The following B3GALT1 variants were observed in gnomAD, a reference collection of about 807,000 sequenced individuals.
The protein encoded by B3GALT1 is UDP-Gal:betaGlcNAc beta 1,3-galactosyltransferase, polypeptide 1.
In B3GALT1, 10 loss-of-function variants were observed where a neutral mutation model predicts 23.2. The ratio of observed to expected loss-of-function variants is 0.43; its 90% CI spans 0.27 to 0.73. The LOEUF (loss-of-function observed/expected upper bound fraction) is 0.73, where lower values mean the gene tolerates loss of function less well. Ranked by LOEUF, B3GALT1 falls within the 30% of genes least tolerant of loss-of-function variation. The pLI is 0.21. For synonymous variants in B3GALT1, 156 were observed against 141.5 expected (o/e 1.10, Z -0.73); for missense variants, 299 against 405.4 (o/e 0.74, Z 2.25).
chr2:167,741,062 A>G (rs1262570527), intron 3 of B3GALT1, among the ~76,000 whole-genome samples: 1 of 152,206 alleles, frequency 6.6e-6, no homozygotes, highest in Non-Finnish European at 1.5e-5. Flanking sequence ...TTTTCTGAGA[A>G]TGCTTCTGGA....
At chr2:167,688,127 A>G (rs202166904) in intron 3 of B3GALT1, among the ~76,000 whole-genome samples, 1 of 152,142 alleles carries the variant, frequency 6.6e-6, no homozygotes, top group East Asian at 1.9e-4. Flanking sequence ...TGGCTTTGAT[A>G]TCAGATACAC....
intron 3 of B3GALT1, among the ~76,000 whole-genome samples, chr2:167,722,171 G>A (rs1687245662): frequency 6.6e-6 from 1 of 152,144 alleles, no homozygotes; most frequent in African/African-American, 2.4e-5. Flanking sequence ...AATGATCATA[G>A]GCTTTGAGGT....
chr2:167,592,125 A>G (rs184661121), intron 2 of B3GALT1, among the ~76,000 whole-genome samples: 44 of 152,280 alleles, frequency 2.9e-4, no homozygotes, highest in Admixed American at 7.8e-4. Flanking sequence ...TTGGAGGCAA[A>G]AGATTTGGAA....
chr2:167,669,905 T>G (rs895415207), intron 3 of B3GALT1, among the ~76,000 whole-genome samples: 1 of 151,950 alleles, frequency 6.6e-6, no homozygotes. Context: ...AAATAGTCTG[T>G]AGGCAGCTAG....
intron 3 of B3GALT1, among the ~76,000 whole-genome samples, chr2:167,749,554 T>A (rs757356845): frequency 1.1e-4 from 16 of 152,198 alleles, no homozygotes; most frequent in Non-Finnish European, 1.6e-4. Context: ...CCAATAAGTA[T>A]CCTAAAATTT....
chr2:167,407,368 A>G (rs1698298080), intron 1 of B3GALT1, among the ~76,000 whole-genome samples: 1 of 152,152 alleles, frequency 6.6e-6, no homozygotes, highest in South Asian at 2.1e-4. Context: ...TGATAGCAAT[A>G]AATGCCTATA....
At chr2:167,844,612 A>T (rs906017920) in intron 4 of B3GALT1, among the ~76,000 whole-genome samples, 3 of 152,244 alleles carry the variant, frequency 2.0e-5, no homozygotes, top group Non-Finnish European at 4.4e-5. Flanking sequence ...TGGGTCCCCA[A>T]ACAGGCCCTT....
At chr2:167,655,755 A>G (rs541701560) in intron 3 of B3GALT1, among the ~76,000 whole-genome samples, 17 of 152,152 alleles carry the variant, frequency 1.1e-4, no homozygotes, top group Non-Finnish European at 1.9e-4. Context: ...TTTTATTCAT[A>G]TGCCTTATTA....
chr2:167,701,420 C>T (rs1182534998), intron 3 of B3GALT1, among the ~76,000 whole-genome samples: 2 of 151,954 alleles, frequency 1.3e-5, no homozygotes, highest in Non-Finnish European at 1.5e-5. Flanking sequence ...AAGCTTAGAG[C>T]GGCCAAAGTC....
At chr2:167,302,256 A>G (rs1204703620) in intron 1 of B3GALT1, among the ~76,000 whole-genome samples, 3 of 152,184 alleles carry the variant, frequency 2.0e-5, no homozygotes, top group Non-Finnish European at 4.4e-5. Flanking sequence ...ATTTTTGCAT[A>G]GTAGGATGAT....
chr2:167,774,111 T>C (rs1232425088), intron 3 of B3GALT1, among the ~76,000 whole-genome samples: 3 of 152,234 alleles, frequency 2.0e-5, no homozygotes, highest in African/African-American at 7.2e-5. Flanking sequence ...GTTAATTTGT[T>C]GAGCCATTCT....
rs1164657739 is a variant in B3GALT1 at position 167,786,929 on chromosome 2, T to TGTTG, written c.-351-31740_-351-31739insGGTT. On this transcript the variant is annotated intron_variant, in intron 3 of 4. Coordinates refer to ENST00000392690, the MANE Select transcript of B3GALT1 (RefSeq NM_020981.4). ...GTCTCAGGAGTGGTGTGTTTTTGTT[T>TGTTG]GTTTGTTTGTTGGTTTGGTTTGGTT... Among the ~76,000 whole-genome samples, 295 of 152,242 alleles carry TGTTG rather than the reference T, an allele frequency of 1.9e-3. 1 individual carries two copies. The highest frequency in any genetic ancestry group is 6.8e-3 in the African/African-American group (283 of 41,528).
rs1335546430 is a variant in B3GALT1 at position 167,869,268 on chromosome 2, A to T, written c.229A>T (p.Ile77Phe). Residue 77 changes from isoleucine to phenylalanine, a missense_variant, in exon 5 of 5, where the codon ATT becomes TTT. Around this residue, in one of 3 missense-constraint regions of B3GALT1, gnomAD observed 162 missense variants for 184.1 expected, o/e 0.88. Coordinates refer to ENST00000392690, the MANE Select transcript of B3GALT1 (RefSeq NM_020981.4). This position sits in a 1 kb window ranked among gnomAD's most constrained non-coding sequence, Gnocchi z 6.4. ...INEPNKCEKN[I>F]PFLVILISTT... Reference sequence around the variant, plus strand: ...CGAGCCCAATAAATGTGAGAAAAACATTCCTTTTCTTGTTATCCTCATCAG... The same window carrying T: ...CGAGCCCAATAAATGTGAGAAAAACTTTCCTTTTCTTGTTATCCTCATCAG... 6.2e-7 allele frequency: 1 copy of T among 1,614,218 alleles called. No homozygotes were observed. The highest frequency in any genetic ancestry group is 8.5e-7 in the Non-Finnish European group (1 of 1,180,032).
chr2:167,598,662 G>A (rs528193904), intron 2 of B3GALT1, among the ~76,000 whole-genome samples: 13 of 152,142 alleles, frequency 8.5e-5, no homozygotes, highest in Admixed American at 1.3e-4. Flanking sequence ...CTCACGTGGC[G>A]TGTCCATCTC....
chr2:167,513,963 G>A (rs1700065546), intron 2 of B3GALT1, among the ~76,000 whole-genome samples: 1 of 152,106 alleles, frequency 6.6e-6, no homozygotes. Flanking sequence ...CTGGAGGGCA[G>A]TGGTGCAGTA....
chr2:167,795,367 G>A (rs1688529306), intron 3 of B3GALT1, among the ~76,000 whole-genome samples: 1 of 152,050 alleles, frequency 6.6e-6, no homozygotes, highest in Admixed American at 6.6e-5. Context: ...ATTTTAATTG[G>A]GAAAAGCCAC....
intron 2 of B3GALT1, among the ~76,000 whole-genome samples, chr2:167,546,020 C>T (rs1003647608): frequency 1.3e-5 from 2 of 152,054 alleles, no homozygotes; most frequent in Non-Finnish European, 2.9e-5. Flanking sequence ...GTGCATGAAA[C>T]GTGAGGTCTG....
chr2:167,780,482 T>TG (rs1275942705), intron 3 of B3GALT1, among the ~76,000 whole-genome samples: 1 of 152,240 alleles, frequency 6.6e-6, no homozygotes, highest in African/African-American at 2.4e-5. Flanking sequence ...TGGCAGGCAC[T>TG]TTCAAATAGG....
At chr2:167,549,494 C>T (rs543784525) in intron 2 of B3GALT1, among the ~76,000 whole-genome samples, 10 of 152,290 alleles carry the variant, frequency 6.6e-5, no homozygotes, top group South Asian at 2.1e-4. Context: ...GTCATTAATA[C>T]GGCATTTCCC....
Sources: allele counts gnomAD v4.1 joint callset (sites outside exome capture counted in the v4.1 genomes callset), GRCh38; gene constraint gnomAD v4.1.1; regional missense constraint gnomAD v4.1.1; non-coding constraint Gnocchi (gnomAD v3.1); transcripts MANE v1.5; gene names NCBI Gene and HGNC (gene_info 2026-07-23, HGNC 2026-07-21).